SCN8A: variants seen among roughly 807,000 people sequenced by gnomAD.
The protein encoded by SCN8A is sodium voltage-gated channel alpha subunit 8, also known as sodium channel protein type 8 subunit alpha.
In SCN8A, 30 loss-of-function variants were observed where a neutral mutation model predicts 184.1. The ratio of observed to expected loss-of-function variants is 0.16; its 90% CI spans 0.12 to 0.22. SCN8A has a LOEUF of 0.22. SCN8A is among the 10% of genes least tolerant of loss of function. The probability of loss-of-function intolerance (pLI) is 1.00; values close to 1 mark genes in which losing one functional copy is unlikely to be tolerated. For missense variants in SCN8A, 1,057 were observed against 2,498.9 expected (o/e 0.42, Z 12.30); for synonymous variants, 852 against 907.0 (o/e 0.94, Z 1.09).
intron 1 of SCN8A, among the ~76,000 whole-genome samples, chr12:51,641,130 T>C (rs1043781108): frequency 6.6e-6 from 1 of 152,194 alleles, no homozygotes; most frequent in Non-Finnish European, 1.5e-5. Context: ...ACAGTAACAA[T>C]TTAAAAATAC....
At chr12:51,641,121 CAG>C (rs945142418) in intron 1 of SCN8A, among the ~76,000 whole-genome samples, 1 of 152,164 alleles carries the variant, frequency 6.6e-6, no homozygotes, top group African/African-American at 2.4e-5. Context: ...GTAAACATAA[CAG>C]TAACAATTTA....
intron 12 of SCN8A, chr12:51,722,571 T>C (rs1201283616): frequency 6.6e-6 from 1 of 152,078 alleles, no homozygotes; most frequent in African/African-American, 2.4e-5. Flanking sequence ...GGGTGGGAGG[T>C]GTGTGCCAGC....
chr12:51,680,865 G>T (rs539910399), intron 2 of SCN8A, among the ~76,000 whole-genome samples: 7 of 152,040 alleles, frequency 4.6e-5, no homozygotes, highest in Non-Finnish European at 8.8e-5. Flanking sequence ...TTAGCCGGGC[G>T]TGGTGGCAGG....
Position 51,810,691 on chromosome 12 carries a change from C to CTA in SCN8A, c.*3263_*3264insAT. The CTA allele has an allele frequency of 6.5e-6, 1 of 153,518 alleles. No individual in the cohort carries two copies. Among genetic ancestry groups the CTA allele is most frequent in the Non-Finnish European group, 1.4e-5 (1 of 69,040 alleles). 9.5% of individuals were successfully genotyped at this position (153,518 alleles called of 1,614,324 possible). A position where few individuals can be genotyped will look rare whatever the true frequency, so the allele number is the denominator to read the frequency against. On this transcript the variant is annotated 3_prime_UTR_variant, in exon 27 of 27. Coordinates refer to ENST00000627620, the MANE Select transcript of SCN8A (RefSeq NM_001330260.2). ...CAGAGCCAAAGCCACTGAGCAGCAG[C>CTA]TGACATGGTTGCTGGTTTGTGTGTG...
At chr12:51,666,575 C>T (rs747283) in intron 2 of SCN8A, among the ~76,000 whole-genome samples, 106,929 of 152,104 alleles carry the variant, frequency 0.7, 40,485 homozygotes, top group East Asian at 0.86. Flanking sequence ...AATAATTCTT[C>T]GCAAAATAGA....
intron 12 of SCN8A, among the ~76,000 whole-genome samples, chr12:51,737,767 A>C (rs901719841): frequency 6.6e-6 from 1 of 152,228 alleles, no homozygotes; most frequent in African/African-American, 2.4e-5. Flanking sequence ...TGTAAATGCA[A>C]ACCATTCACA....
chr12:51,806,223 A>G lies in SCN8A; in HGVS notation c.4796-59A>G, dbSNP rs191532078. On this transcript the variant is annotated intron_variant, in intron 26 of 26. Transcript: ENST00000627620. The surrounding 1 kb of genome is among the most constrained non-coding windows in gnomAD (Gnocchi z 8.7). ...GGTTCCACAATGCCAGGTAAAAAAAATAAAGAGAAAGGGTGTCTCCCATCT... is the reference window on the plus strand; with the variant it reads ...GGTTCCACAATGCCAGGTAAAAAAAGTAAAGAGAAAGGGTGTCTCCCATCT... The G allele has an allele frequency of 7.6e-6, 11 of 1,454,118 alleles. No homozygotes were observed. The East Asian group carries it at 2.6e-4, about 34-fold the overall frequency. 90.1% of individuals were successfully genotyped at this position (1,454,118 alleles called of 1,614,324 possible).
At chr12:51,709,713 ATAC>A (rs1212979496) in intron 11 of SCN8A, among the ~76,000 whole-genome samples, 1 of 152,110 alleles carries the variant, frequency 6.6e-6, no homozygotes, top group African/African-American at 2.4e-5. Flanking sequence ...AAGCATGTTT[ATAC>A]TTTGTGGAAG....
chr12:51,691,387 C>T (rs1003969049), intron 6 of SCN8A, among the ~76,000 whole-genome samples: 7 of 151,958 alleles, frequency 4.6e-5, no homozygotes, highest in African/African-American at 9.7e-5. Context: ...ATTGGTGTCA[C>T]GTTATTTATT....
At chr12:51,747,607 A>G (rs1191474973) in intron 13 of SCN8A, among the ~76,000 whole-genome samples, 1 of 152,196 alleles carries the variant, frequency 6.6e-6, no homozygotes, top group Non-Finnish European at 1.5e-5. Flanking sequence ...TTATTACTGC[A>G]TTGGCTTAGC....
intron 1 of SCN8A, among the ~76,000 whole-genome samples, chr12:51,660,405 C>T (rs900355810): frequency 6.6e-6 from 1 of 152,144 alleles, no homozygotes; most frequent in Admixed American, 6.5e-5. Context: ...GTTCTTTGTC[C>T]TCTGCGTAGG....
At chr12:51,774,502 C>T (rs908202251) in intron 20 of SCN8A, 140 bp downstream of exon 20, 2 of 765,950 alleles carry the variant, frequency 2.6e-6, no homozygotes, top group Middle Eastern at 4.0e-4. Context: ...AAGTTCCTTT[C>T]ATAGCACTGA....
intron 1 of SCN8A, among the ~76,000 whole-genome samples, chr12:51,658,081 T>A (rs1010848821): frequency 1.3e-5 from 2 of 152,172 alleles, no homozygotes; most frequent in African/African-American, 2.4e-5. Flanking sequence ...TTGCTCAGGA[T>A]TACTTTGGCT....
At chr12:51,696,958 G>A (rs1200233464) in intron 6 of SCN8A, among the ~76,000 whole-genome samples, 1 of 147,994 alleles carries the variant, frequency 6.8e-6, no homozygotes, top group African/African-American at 2.5e-5. Context: ...AGAATCGCTT[G>A]AACCCAGAAG....
chr12:51,785,066 T>A lies in SCN8A; in HGVS notation c.3943-1476T>A, dbSNP rs537093336. On this transcript the variant is annotated intron_variant, in intron 21 of 26. Coordinates refer to ENST00000627620, the MANE Select transcript of SCN8A (RefSeq NM_001330260.2). Reference sequence around the variant, plus strand: ...TCTACTCCCGTATTGTTTGAGAAATTATTTTTCCATTTGTGGATCATCCTC... The same window carrying A: ...TCTACTCCCGTATTGTTTGAGAAATAATTTTTCCATTTGTGGATCATCCTC... Among the ~76,000 whole-genome samples the A allele has an allele frequency of 7.8e-4, 119 of 152,342 alleles. 1 individual carries two copies. The South Asian group carries it at 0.024, about 31-fold the overall frequency.
chr12:51,760,336 G>A (rs572343525), intron 14 of SCN8A, among the ~76,000 whole-genome samples: 4 of 152,268 alleles, frequency 2.6e-5, no homozygotes, highest in African/African-American at 9.6e-5. Context: ...CCAACTGATG[G>A]CAACATACCA....
chr12:51,701,019 G>A, intron 7 of SCN8A, 125 bp from the exon 8 acceptor site: 1 of 568,022 alleles, frequency 1.8e-6, no homozygotes, highest in Non-Finnish European at 3.1e-6. Context: ...TGTCACAGCT[G>A]TTGGAAAAGA....
intron 1 of SCN8A, among the ~76,000 whole-genome samples, chr12:51,652,110 T>C (rs1940727277): frequency 6.6e-6 from 1 of 152,012 alleles, no homozygotes; most frequent in African/African-American, 2.4e-5. Context: ...CCAAAGCACC[T>C]CAGACTCAGC....
At chr12:51,780,584 TTTTTTTTTTTTTTTTTTTTTG>T in intron 20 of SCN8A, 44 bp from the exon 21 acceptor site, 1 of 308,052 alleles carries the variant, frequency 3.2e-6, no homozygotes, top group Non-Finnish European at 5.5e-6. Flanking sequence ...TTTTTTTTTT[TTTTTTTTTTTTTTTTTTTTTG>T]GTTACCTTTT....
Sources: gnomAD v4.1 joint callset for allele counts (sites outside exome capture counted in the v4.1 genomes callset) on GRCh38, gnomAD v4.1.1 for gene constraint, Gnocchi (gnomAD v3.1) non-coding constraint, MANE v1.5 for transcripts, NCBI Gene and HGNC (gene_info 2026-07-23, HGNC 2026-07-21) for gene names.